The following EYS variants were observed in gnomAD, a reference collection of about 807,000 sequenced individuals.
EYS encodes EGF-like photoreceptor maintenance factor.
In EYS, 250 loss-of-function variants were observed where a neutral mutation model predicts 282.1. The ratio of observed to expected loss-of-function variants is 0.89; its 90% CI spans 0.80 to 0.98. EYS has a LOEUF of 0.98. Among genes scored for constraint, EYS ranks in the 50% least tolerant of loss-of-function variants. EYS has a pLI of 0.00. For missense variants in EYS, 4,016 were observed against 3,709.0 expected, an observed-to-expected ratio of 1.08 and a Z score of -2.15; for synonymous variants, 1,355 against 1,282.9, an observed-to-expected ratio of 1.06 and a Z score of -1.20.
chr6:63,989,162 C>T (rs1767499507), intron 34 of EYS, among the ~76,000 whole-genome samples: 2 of 151,574 alleles, frequency 1.3e-5, no homozygotes, highest in South Asian at 2.1e-4. Context: ...ATTATCAGAG[C>T]GCACTTGTCT....
chr6:63,741,832 T>C, intron 41 of EYS: 1 of 676,646 alleles, frequency 1.5e-6, no homozygotes. Flanking sequence ...CCACAGCTCA[T>C]CTGACTCAAA....
intron 8 of EYS, among the ~76,000 whole-genome samples, chr6:65,375,523 T>C (rs1765330695): frequency 6.6e-6 from 1 of 151,936 alleles, no homozygotes; most frequent in Admixed American, 6.6e-5. Context: ...GGCACAAAAC[T>C]GGACAGAGAA....
At chr6:64,028,345 A>G (rs552713734) in intron 33 of EYS, among the ~76,000 whole-genome samples, 342 of 152,328 alleles carry the variant, frequency 2.2e-3, no homozygotes, top group African/African-American at 7.7e-3. Flanking sequence ...ATTGTTAAAC[A>G]TTTGAAAGCT....
At chr6:63,964,319 GTTATAT>G (rs1766207658) in intron 35 of EYS, among the ~76,000 whole-genome samples, 1 of 152,270 alleles carries the variant, frequency 6.6e-6, no homozygotes, top group Non-Finnish European at 1.5e-5. Context: ...AAAGCCTACT[GTTATAT>G]TTATATTAAG....
chr6:64,373,290 G>A (rs1202183857), intron 29 of EYS, among the ~76,000 whole-genome samples: 2 of 152,196 alleles, frequency 1.3e-5, no homozygotes, highest in East Asian at 1.9e-4. Flanking sequence ...GGTGTGCTTG[G>A]TTGAATGGCT....
chr6:65,089,564 C>T (rs955224494), intron 12 of EYS, among the ~76,000 whole-genome samples: 17 of 152,204 alleles, frequency 1.1e-4, no homozygotes, highest in African/African-American at 3.4e-4. Context: ...AACTAACTTG[C>T]TTTTGATATT....
chr6:64,976,502 T>C lies in EYS; in HGVS notation c.2259+21080A>G, dbSNP rs75205974. ...CTGCTGAGGCCTACTTCCTAAATCA[T>C]AGGTGGCCATCCTTCTACCATAACT... On this transcript the variant is annotated intron_variant, in intron 14 of 42. Transcript: ENST00000503581. Among the ~76,000 whole-genome samples the C allele has an allele frequency of 1.3e-3, 204 of 152,012 alleles. 4 individuals carry two copies. In the East Asian group the frequency reaches 0.03, roughly 22 times the overall value.
At chr6:64,952,653 C>T (rs766351057) in intron 14 of EYS, among the ~76,000 whole-genome samples, 16 of 152,034 alleles carry the variant, frequency 1.1e-4, no homozygotes, top group Non-Finnish European at 1.9e-4. Context: ...AAAACAAGTG[C>T]CACATAGTAC....
At chr6:65,502,748 T>C (rs971859198) in intron 2 of EYS, among the ~76,000 whole-genome samples, 3 of 151,632 alleles carry the variant, frequency 2.0e-5, no homozygotes, top group Non-Finnish European at 4.4e-5. Flanking sequence ...TAAGTATTTG[T>C]AGAAAACCCT....
In EYS at chr6:64,213,207, A is replaced by G. The variant is rs189157043; in HGVS notation, c.6424+17385T>C. On this transcript the variant is annotated intron_variant, in intron 31 of 42. Coordinates refer to ENST00000503581, the MANE Select transcript of EYS (RefSeq NM_001142800.2). ...ACCTATGTAACAAACCTGCACATGT[A>G]CCCCTGAACTTAAAAGTTAAAAAAA... 2.0e-5 allele frequency among the ~76,000 whole-genome samples: 3 copies of G among 152,186 alleles called. No homozygotes were observed. In the East Asian group the frequency reaches 5.8e-4, roughly 29 times the overall value.
At chr6:64,219,906 T>C (rs1037183964) in intron 31 of EYS, among the ~76,000 whole-genome samples, 4 of 140,312 alleles carry the variant, frequency 2.9e-5, no homozygotes, top group Non-Finnish European at 6.4e-5. Flanking sequence ...CTGGAAACCA[T>C]CATTCTCAGC....
intron 31 of EYS, among the ~76,000 whole-genome samples, chr6:64,193,781 C>T (rs1179262338): frequency 6.6e-6 from 1 of 151,974 alleles, no homozygotes; most frequent in Admixed American, 6.6e-5. Flanking sequence ...TTAGTTTGCT[C>T]AGAATGGTGG....
At chr6:65,185,537 C>G (rs1451968340) in intron 12 of EYS, among the ~76,000 whole-genome samples, 1 of 151,760 alleles carries the variant, frequency 6.6e-6, no homozygotes, top group Non-Finnish European at 1.5e-5. Flanking sequence ...AATATTGTAA[C>G]CAATGGTAGA....
intron 26 of EYS, among the ~76,000 whole-genome samples, chr6:64,484,470 T>C (rs747243676): frequency 3.3e-5 from 5 of 151,632 alleles, no homozygotes; most frequent in Non-Finnish European, 7.4e-5. Flanking sequence ...TCCAACGCTT[T>C]AACTGGCTTG....
rs1239191963 is a variant in EYS at position 64,374,373 on chromosome 6, C to T, written c.6078+14317G>A. Reference sequence around the variant, plus strand: ...GAACTTGAGAATTACCTCTGCATAACATCCAAGTGGTTCTCTGCTTCAGTG... The same window carrying T: ...GAACTTGAGAATTACCTCTGCATAATATCCAAGTGGTTCTCTGCTTCAGTG... On this transcript the variant is annotated intron_variant, in intron 29 of 42. Coordinates refer to ENST00000503581, the MANE Select transcript of EYS (RefSeq NM_001142800.2). 4.6e-5 allele frequency among the ~76,000 whole-genome samples: 7 copies of T among 151,938 alleles called. No individual in the cohort carries two copies. In the East Asian group the frequency reaches 1.4e-3, roughly 30 times the overall value.
Position 63,777,786 on chromosome 6 carries a change from C to A in EYS, c.7898+220G>T. 3 of 475,418 alleles carry A rather than the reference C, an allele frequency of 6.3e-6. 1 individual carries two copies. In the South Asian group the frequency reaches 8.8e-5, roughly 14 times the overall value. 29.4% of individuals were successfully genotyped at this position (475,418 alleles called of 1,614,324 possible). A position where few individuals can be genotyped will look rare whatever the true frequency, so the allele number is the denominator to read the frequency against. ...GCCTGGAATGAGATGTAGTGATTCA[C>A]TGTCATTGTTTCACAGAACTAAGAT... On this transcript the variant is annotated intron_variant, in intron 40 of 42. Coordinates refer to ENST00000503581, the MANE Select transcript of EYS (RefSeq NM_001142800.2).
At chr6:65,312,958 C>T (rs1263701065) in intron 11 of EYS, among the ~76,000 whole-genome samples, 4 of 152,028 alleles carry the variant, frequency 2.6e-5, no homozygotes, top group East Asian at 1.9e-4. Context: ...CCTAATTTAA[C>T]AGCTGCTTGT....
At chr6:65,556,387 T>TTGTGTGTGTG (rs10602177) in intron 2 of EYS, among the ~76,000 whole-genome samples, 15,459 of 148,824 alleles carry the variant, frequency 0.1, 992 homozygotes, top group East Asian at 0.27. Flanking sequence ...ACTGCTGGGT[T>TTGTGTGTGTG]TGTGTGTGTG....
chr6:64,024,129 C>T (rs553058518), intron 33 of EYS, among the ~76,000 whole-genome samples: 53 of 152,332 alleles, frequency 3.5e-4, no homozygotes, highest in Non-Finnish European at 6.2e-4. Context: ...AGGCGCAGGG[C>T]GCAGGACTGG....
Sources: allele counts gnomAD v4.1 joint callset (sites outside exome capture counted in the v4.1 genomes callset), GRCh38; gene constraint gnomAD v4.1.1; transcripts MANE v1.5; gene names NCBI Gene and HGNC (gene_info 2026-07-23, HGNC 2026-07-21).